The following B4GALT5 variants were observed in gnomAD, a reference collection of about 807,000 sequenced individuals.
The protein encoded by B4GALT5 is beta-1,4-galactosyltransferase 5.
B4GALT5 carries 11 observed loss-of-function variants against 45.0 expected under a neutral mutation model. That is an observed-to-expected ratio of 0.24 (90% CI 0.15 to 0.40). The LOEUF (loss-of-function observed/expected upper bound fraction) is 0.40. B4GALT5 is among the 10% of genes least tolerant of loss of function. The probability of loss-of-function intolerance (pLI) is 1.00; values close to 1 mark genes in which losing one functional copy is unlikely to be tolerated. For missense variants in B4GALT5, 337 were observed against 500.2 expected, an observed-to-expected ratio of 0.67 and a Z score of 3.11; for synonymous variants, 185 against 182.9, an observed-to-expected ratio of 1.01 and a Z score of -0.09.
At chr20:49,698,618 A>G (rs2085849162) in intron 1 of B4GALT5, among the ~76,000 whole-genome samples, 1 of 151,976 alleles carries the variant, frequency 6.6e-6, no homozygotes, top group South Asian at 2.1e-4. Flanking sequence ...ATTCACACAC[A>G]CACACAAGCA....
At chr20:49,710,205 T>A (rs1270577145) in intron 1 of B4GALT5, among the ~76,000 whole-genome samples, 3 of 152,038 alleles carry the variant, frequency 2.0e-5, no homozygotes, top group Admixed American at 2.0e-4. Context: ...ACAAAGCAAA[T>A]CAAAAGCAAG....
chr20:49,663,690 AATATATACATAT>A lies in B4GALT5; in HGVS notation c.116-7000_116-6989del, dbSNP rs1339230026. On this transcript the variant is annotated intron_variant, in intron 1 of 8. Transcript: ENST00000371711. ...TTCATCTCAAGAAAAAAAAAAAAAA[AATATATACATAT>A]ATATATATATATATATATATATATA... 7.6e-3 allele frequency among the ~76,000 whole-genome samples: 733 copies of A among 96,874 alleles called. 72 individuals carry two copies. The highest frequency in any genetic ancestry group is 0.031 in the African/African-American group (703 of 22,366). 63.6% of individuals were successfully genotyped at this position (96,874 alleles called of 152,430 possible).
chr20:49,706,827 G>A (rs979666176), intron 1 of B4GALT5, among the ~76,000 whole-genome samples: 3 of 152,144 alleles, frequency 2.0e-5, no homozygotes, highest in African/African-American at 7.2e-5. Flanking sequence ...CTTCTTACGT[G>A]CTAAGGTTTT....
intron 1 of B4GALT5, among the ~76,000 whole-genome samples, chr20:49,710,956 A>G (rs959461636): frequency 6.6e-5 from 10 of 151,832 alleles, no homozygotes; most frequent in African/African-American, 2.4e-4. Flanking sequence ...GGTGGCATGT[A>G]CCTGGAGTCC....
At chr20:49,693,171 G>A (rs2085823730) in intron 1 of B4GALT5, among the ~76,000 whole-genome samples, 1 of 152,116 alleles carries the variant, frequency 6.6e-6, no homozygotes, top group African/African-American at 2.4e-5. Flanking sequence ...CATTTCTCAG[G>A]ATGTATCCCC....
At position 49,656,613 on chromosome 20, in the gene B4GALT5, G is replaced by C; in HGVS notation, c.205C>G (p.Leu69Val). The change falls in exon 2 of 9, where the codon CTT becomes GTT. Residue 69 changes from leucine to valine, a missense_variant. Coordinates refer to ENST00000371711, the MANE Select transcript of B4GALT5 (RefSeq NM_004776.4). ...TIGAQVYEQVLRSAYAKRNSS... is the reference protein window; with the variant it reads ...TIGAQVYEQVVRSAYAKRNSS... Reference sequence around the variant, plus strand: ...TTCCTCTTGGCATAAGCACTCCGAAGCACCTGCTCATAAACCTGAGCACCG... The same window carrying C: ...TTCCTCTTGGCATAAGCACTCCGAACCACCTGCTCATAAACCTGAGCACCG... 1 of 1,614,124 alleles carries C rather than the reference G, an allele frequency of 6.2e-7. No homozygotes were observed. The highest frequency in any genetic ancestry group is 2.2e-5 in the East Asian group (1 of 44,884).
chr20:49,697,737 G>A (rs954414160), intron 1 of B4GALT5, among the ~76,000 whole-genome samples: 9 of 152,108 alleles, frequency 5.9e-5, no homozygotes, highest in Non-Finnish European at 1.2e-4. Flanking sequence ...AAGGGGGATG[G>A]AATCCCTTTC....
intron 1 of B4GALT5, among the ~76,000 whole-genome samples, chr20:49,681,318 G>C (rs142203247): frequency 2.8e-4 from 42 of 150,872 alleles, no homozygotes; most frequent in African/African-American, 1.0e-3. Flanking sequence ...TTCACGTTAA[G>C]AGTCAGAGCG....
At chr20:49,707,923 T>TC (rs1278519712) in intron 1 of B4GALT5, among the ~76,000 whole-genome samples, 13 of 151,698 alleles carry the variant, frequency 8.6e-5, no homozygotes, top group African/African-American at 3.1e-4. Flanking sequence ...CTTTTTTTTT[T>TC]TTTTTTGTCT....
At chr20:49,680,300 C>T (rs1043139321) in intron 1 of B4GALT5, among the ~76,000 whole-genome samples, 1 of 152,030 alleles carries the variant, frequency 6.6e-6, no homozygotes, top group South Asian at 2.1e-4. Flanking sequence ...GCTATGGAGA[C>T]CCTTCTGCAG....
intron 2 of B4GALT5, among the ~76,000 whole-genome samples, chr20:49,653,700 T>TA (rs1439869224): frequency 5.9e-5 from 9 of 152,206 alleles, no homozygotes; most frequent in African/African-American, 2.2e-4. Flanking sequence ...AAGTATCTAA[T>TA]AAACAGTAAG....
intron 2 of B4GALT5, among the ~76,000 whole-genome samples, chr20:49,650,855 T>G (rs368777939): frequency 1.3e-5 from 2 of 152,208 alleles, no homozygotes; most frequent in Non-Finnish European, 2.9e-5. Context: ...CTAAAGCATG[T>G]ACCTACTGAA....
In B4GALT5 at chr20:49,640,682, T is replaced by C; in HGVS notation, c.607-17A>G. On this transcript the variant is annotated splice_polypyrimidine_tract_variant and intron_variant, in intron 5 of 8. Coordinates refer to ENST00000371711, the MANE Select transcript of B4GALT5 (RefSeq NM_004776.4). The stretch of plus-strand genomic sequence containing the variant: ...GGTACCAACCTAAAAGAAACAGAAC[T>C]TTATCTTTAAAAGAATCTTGAAGGA... The C allele has an allele frequency of 6.4e-7, 1 of 1,570,682 alleles. No homozygotes were observed. The highest frequency in any genetic ancestry group is 8.6e-7 in the Non-Finnish European group (1 of 1,163,822).
chr20:49,703,035 G>A (rs6012716), intron 1 of B4GALT5, among the ~76,000 whole-genome samples: 2 of 151,056 alleles, frequency 1.3e-5, no homozygotes, highest in East Asian at 2.0e-4. Flanking sequence ...TTAGCCGGGC[G>A]TGGTGGTGGG....
chr20:49,676,383 A>C (rs2085737635), intron 1 of B4GALT5, among the ~76,000 whole-genome samples: 1 of 152,240 alleles, frequency 6.6e-6, no homozygotes, highest in African/African-American at 2.4e-5. Flanking sequence ...AACACACTCA[A>C]GAAAATGATG....
At chr20:49,637,694 G>C (rs766918194) in intron 7 of B4GALT5, among the ~76,000 whole-genome samples, 5 of 152,040 alleles carry the variant, frequency 3.3e-5, no homozygotes, top group Non-Finnish European at 7.4e-5. Context: ...AGCACTTTGG[G>C]AGGCCGAGGT....
chr20:49,656,731 G>A, intron 1 of B4GALT5, 29 bp from the exon 2 acceptor site: 2 of 1,613,688 alleles, frequency 1.2e-6, no homozygotes, highest in Non-Finnish European at 1.7e-6. Flanking sequence ...GGAAAAAGAG[G>A]TGGATTCAGA....
At chr20:49,657,403 G>A (rs185321831) in intron 1 of B4GALT5, among the ~76,000 whole-genome samples, 30 of 152,298 alleles carry the variant, frequency 2.0e-4, no homozygotes, top group African/African-American at 7.0e-4. Flanking sequence ...TCTTTGGAAA[G>A]TGATCTCCAC....
chr20:49,646,560 G>A (rs62207694), intron 3 of B4GALT5, among the ~76,000 whole-genome samples: 16,381 of 152,230 alleles, frequency 0.11, 986 homozygotes, highest in Admixed American at 0.15. Context: ...CAGCCTAGGG[G>A]TGTCGCAGGC....
Sources: gnomAD v4.1 joint callset for allele counts (sites outside exome capture counted in the v4.1 genomes callset) on GRCh38, gnomAD v4.1.1 for gene constraint, MANE v1.5 for transcripts, NCBI Gene and HGNC (gene_info 2026-07-23, HGNC 2026-07-21) for gene names.